ELF1: variants seen among roughly 807,000 people sequenced by gnomAD.
ELF1 encodes E74 like ETS transcription factor 1, also known as ETS-related transcription factor Elf-1.
A neutral mutation model predicts 59.9 loss-of-function variants in ELF1; 24 were observed. The ratio of observed to expected loss-of-function variants is 0.40; its 90% CI spans 0.29 to 0.56. The LOEUF is 0.56. Among genes scored for constraint, ELF1 ranks in the 20% least tolerant of loss-of-function variants. ELF1 has a pLI of 0.44. For missense variants in ELF1, 627 were observed against 742.2 expected, an observed-to-expected ratio of 0.84 and a Z score of 1.80; for synonymous variants, 248 against 266.2, an observed-to-expected ratio of 0.93 and a Z score of 0.67.
intron 2 of ELF1, among the ~76,000 whole-genome samples, chr13:40,959,403 G>C (rs2138196999): frequency 6.6e-6 from 1 of 152,232 alleles, no homozygotes; most frequent in East Asian, 1.9e-4. Context: ...GGCTGAGGCA[G>C]GAGAATCACT....
intron 1 of ELF1, among the ~76,000 whole-genome samples, chr13:41,042,415 C>T (rs796497767): frequency 6.6e-6 from 1 of 151,822 alleles, no homozygotes; most frequent in South Asian, 2.1e-4. Flanking sequence ...TCCATTAACT[C>T]GTCATTTATA....
At chr13:41,021,768 A>G (rs374674772), upstream of ELF1, among the ~76,000 whole-genome samples, 6 of 152,256 alleles carry the variant, frequency 3.9e-5, no homozygotes, top group East Asian at 9.6e-4. Flanking sequence ...TTAAATGGTC[A>G]AATCTGAATA....
chr13:40,963,955 G>C (rs1872015222), intron 2 of ELF1, among the ~76,000 whole-genome samples: 1 of 151,908 alleles, frequency 6.6e-6, no homozygotes, highest in Non-Finnish European at 1.5e-5. Flanking sequence ...TAAGAGGCTT[G>C]AATCTGTATA....
chr13:40,948,982 A>C (rs989938453), intron 5 of ELF1, among the ~76,000 whole-genome samples: 2 of 152,168 alleles, frequency 1.3e-5, no homozygotes, highest in African/African-American at 4.8e-5. Context: ...AAAATAATTT[A>C]ATTATTATCA....
intron 2 of ELF1, among the ~76,000 whole-genome samples, chr13:40,963,109 C>T (rs974810325): frequency 6.6e-6 from 1 of 152,190 alleles, no homozygotes; most frequent in African/African-American, 2.4e-5. Context: ...GATGGAGACA[C>T]ACTGGACTAT....
intron 1 of ELF1, among the ~76,000 whole-genome samples, chr13:41,007,107 G>T (rs571787333): frequency 6.6e-6 from 1 of 151,730 alleles, no homozygotes; most frequent in East Asian, 1.9e-4. Context: ...GAAATATCTC[G>T]GATGCACAAA....
chr13:40,947,027 A>G (rs1241255564), intron 5 of ELF1, among the ~76,000 whole-genome samples: 1 of 152,124 alleles, frequency 6.6e-6, no homozygotes, highest in Non-Finnish European at 1.5e-5. Flanking sequence ...TGTTGAATGT[A>G]CCAATCGTAT....
At chr13:40,955,752 C>T (rs1225892529) in intron 3 of ELF1, among the ~76,000 whole-genome samples, 2 of 128,732 alleles carry the variant, frequency 1.6e-5, no homozygotes, top group East Asian at 4.9e-4. Flanking sequence ...CCCGGCCAGC[C>T]GCCCCGTCCG....
At chr13:41,044,722 C>A (rs1413237650) in intron 1 of ELF1, among the ~76,000 whole-genome samples, 2 of 152,068 alleles carry the variant, frequency 1.3e-5, no homozygotes, top group African/African-American at 4.8e-5. Context: ...ATTTTTGCAT[C>A]GATGTTCATC....
chr13:40,951,480 C>T (rs779554848), intron 3 of ELF1, 44 bp from the exon 4 acceptor site: 1 of 1,518,090 alleles, frequency 6.6e-7, no homozygotes, highest in Non-Finnish European at 9.1e-7. Context: ...TACGAGACAT[C>T]TGTTACTCTG....
In ELF1 at chr13:40,972,487, A is replaced by G. The variant is rs184179657; in HGVS notation, c.72+9496T>C. 3.7e-4 allele frequency among the ~76,000 whole-genome samples: 56 copies of G among 152,370 alleles called. No homozygotes were observed. In the East Asian group the frequency reaches 9.4e-3, roughly 26 times the overall value. ...AACAAAACGATCTGAATGAATTTGT[A>G]TAACTGGTATGCAAGTCACAAAAAT... On this transcript the variant is annotated intron_variant, in intron 2 of 8. Transcript: ENST00000239882.
rs751066932 is a variant in ELF1, at chr13:41,016,017, C to T, written c.-229+3211G>A. Among the ~76,000 whole-genome samples, 42 of 152,172 alleles carry T rather than the reference C, an allele frequency of 2.8e-4. 1 individual carries two copies. Among genetic ancestry groups the T allele is most frequent in the Non-Finnish European group, 3.2e-4 (22 of 68,034 alleles). On this transcript the variant is annotated intron_variant, in intron 1 of 8. Transcript: ENST00000239882. Reference sequence around the variant, plus strand: ...CTTAACATAGGTAAATGCTATTCAACGTTCAGCATTCATCATTCCTTCAAG... The same window carrying T: ...CTTAACATAGGTAAATGCTATTCAATGTTCAGCATTCATCATTCCTTCAAG...
intron 1 of ELF1, among the ~76,000 whole-genome samples, chr13:41,024,403 T>C (rs758514018): frequency 2.4e-4 from 37 of 152,208 alleles, no homozygotes; most frequent in Non-Finnish European, 3.4e-4. Flanking sequence ...CACCTCAGCG[T>C]AAAGCAATTT....
In ELF1 at chr13:40,949,953, G is replaced by T; in HGVS notation, c.382C>A (p.Pro128Thr). 1 of 1,612,646 alleles carries T rather than the reference G, an allele frequency of 6.2e-7. No homozygotes were observed. The highest frequency in any genetic ancestry group is 8.5e-7 in the Non-Finnish European group (1 of 1,179,394). Residue 128 changes from proline to threonine, a missense_variant, in exon 5 of 9, where the codon CCT (proline) becomes ACT (threonine). By Grantham distance (38) the Pro-to-Thr change is conservative. This residue lies in a region of ELF1 where 232 missense variants were observed against 269.2 expected (regional missense o/e 0.86). Transcript: ENST00000239882. Reference sequence around the variant, plus strand: ...GGGGCAACAACCATGTCATCTTCAGGTGAACTAAATATATTATTATCTAAT... The same window carrying T: ...GGGGCAACAACCATGTCATCTTCAGTTGAACTAAATATATTATTATCTAAT... ...KRINNNIFSSPEDDMVVAPVT... is the reference protein window; with the variant it reads ...KRINNNIFSSTEDDMVVAPVT...
chr13:40,992,604 T>C (rs1873914575), intron 1 of ELF1, among the ~76,000 whole-genome samples: 1 of 150,726 alleles, frequency 6.6e-6, no homozygotes, highest in Admixed American at 6.6e-5. Context: ...TTGGTTATTG[T>C]CATCAATGCT....
chr13:41,044,893 G>A (rs148608667), intron 1 of ELF1, among the ~76,000 whole-genome samples: 2,003 of 152,244 alleles, frequency 0.013, 38 homozygotes, highest in African/African-American at 0.046. Flanking sequence ...TTGTACCTCT[G>A]GTAGAATTCG....
chr13:41,002,247 A>T (rs1874493522), intron 1 of ELF1, among the ~76,000 whole-genome samples: 1 of 152,130 alleles, frequency 6.6e-6, no homozygotes, highest in African/African-American at 2.4e-5. Context: ...GTGTACTGGG[A>T]TTTTTAAAAA....
At chr13:41,000,510 C>A (rs1003592094) in intron 1 of ELF1, among the ~76,000 whole-genome samples, 1 of 151,844 alleles carries the variant, frequency 6.6e-6, no homozygotes, top group African/African-American at 2.4e-5. Context: ...CGTGAGCCAC[C>A]ACACTGGGCC....
intron 1 of ELF1, among the ~76,000 whole-genome samples, chr13:41,028,060 A>G (rs1876009751): frequency 6.6e-6 from 1 of 152,170 alleles, no homozygotes; most frequent in Admixed American, 6.5e-5. Flanking sequence ...CATTACCCAC[A>G]AGCAAAATTT....
Sources: gnomAD v4.1 joint callset for allele counts (sites outside exome capture counted in the v4.1 genomes callset) on GRCh38, gnomAD v4.1.1 for gene constraint, gnomAD v4.1.1 regional missense constraint, MANE v1.5 for transcripts, NCBI Gene and HGNC (gene_info 2026-07-23, HGNC 2026-07-21) for gene names.